Variants in PCDH15 observed in about 807,000 individuals in gnomAD.
The protein encoded by PCDH15 is protocadherin-15.
Under a neutral mutation model 178.5 loss-of-function variants are expected in PCDH15, and 129 were observed. That is an observed-to-expected ratio of 0.72 (90% confidence interval 0.63 to 0.84). The LOEUF (loss-of-function observed/expected upper bound fraction) is 0.84, where lower values mean the gene tolerates loss of function less well. PCDH15 is among the 40% of genes least tolerant of loss of function. The pLI, the probability that PCDH15 is intolerant of heterozygous loss-of-function variation, is 0.00. For missense variants in PCDH15, 2,230 were observed against 2,099.9 expected (o/e 1.06, Z -1.21); for synonymous variants, 800 against 732.0 (o/e 1.09, Z -1.50).
At chr10:54,073,825 G>A (rs972434643) in intron 17 of PCDH15, among the ~76,000 whole-genome samples, 9 of 152,104 alleles carry the variant, frequency 5.9e-5, no homozygotes, top group Non-Finnish European at 1.0e-4. Context: ...ATCACTGTTC[G>A]CATATTTATT....
intron 26 of PCDH15, among the ~76,000 whole-genome samples, chr10:53,893,105 G>A (rs2081691802): frequency 6.6e-6 from 1 of 151,850 alleles, no homozygotes. Flanking sequence ...TTGAGTGTCG[G>A]TGGAAAAAAA....
intron 2 of PCDH15, among the ~76,000 whole-genome samples, chr10:55,336,555 T>A (rs1260476300): frequency 1.3e-5 from 2 of 152,196 alleles, no homozygotes; most frequent in East Asian, 3.9e-4. Flanking sequence ...CTAAAGTAAT[T>A]CATAAAACCT....
Position 55,375,986 on chromosome 10 carries a change from T to TGCAAA in PCDH15, c.-155-209336_-155-209335insTTTGC. 4.6e-5 allele frequency among the ~76,000 whole-genome samples: 7 copies of TGCAAA among 152,080 alleles called. No homozygotes were observed. The South Asian group carries it at 1.5e-3, about 32-fold the overall frequency. ...TTATTCGTAGTGTCTATAAAAATAGTTAATATAACATTTTAGTTTAGGACC... is the reference window on the plus strand; with the variant it reads ...TTATTCGTAGTGTCTATAAAAATAGTGCAAATAATATAACATTTTAGTTTAGGACC... On this transcript the variant is annotated intron_variant, in intron 2 of 5. Transcript: ENST00000613346.
chr10:54,832,078 G>T (rs1359356963), intron 3 of PCDH15, among the ~76,000 whole-genome samples: 4 of 151,986 alleles, frequency 2.6e-5, no homozygotes, highest in Admixed American at 6.6e-5. Context: ...TGCCTTTGAA[G>T]TATCTACATT....
chr10:55,212,854 C>A (rs554877418), intron 1 of PCDH15, among the ~76,000 whole-genome samples: 1 of 152,176 alleles, frequency 6.6e-6, no homozygotes, highest in East Asian at 1.9e-4. Flanking sequence ...TATTCAAAAT[C>A]TATCAAATAA....
chr10:55,412,385 GC>G (rs1838359715), intron 2 of PCDH15, among the ~76,000 whole-genome samples: 1 of 151,886 alleles, frequency 6.6e-6, no homozygotes, highest in Non-Finnish European at 1.5e-5. Context: ...AAGTTAACAG[GC>G]CTTAGAAACT....
At chr10:55,195,230 G>A (rs1336192025) in intron 1 of PCDH15, among the ~76,000 whole-genome samples, 4 of 151,714 alleles carry the variant, frequency 2.6e-5, no homozygotes, top group African/African-American at 7.3e-5. Context: ...CACCATATTG[G>A]TCAGGCTGCT....
chr10:54,111,666 C>G (rs527438654), intron 15 of PCDH15, among the ~76,000 whole-genome samples: 1 of 152,142 alleles, frequency 6.6e-6, no homozygotes, highest in Non-Finnish European at 1.5e-5. Flanking sequence ...ACTTAGGAAA[C>G]TGGAAAGAGT....
At chr10:53,875,835 C>T (rs1564659438) in intron 26 of PCDH15, among the ~76,000 whole-genome samples, 1 of 151,960 alleles carries the variant, frequency 6.6e-6, no homozygotes, top group Non-Finnish European at 1.5e-5. Flanking sequence ...GTAGGGGAGA[C>T]CATTAATTTT....
chr10:54,801,377 A>G (rs568103448), upstream of PCDH15: 1 of 152,338 alleles, frequency 6.6e-6, no homozygotes, highest in African/African-American at 2.4e-5. Context: ...TAAACCACGC[A>G]CTGACTGGTG....
chr10:55,153,547 A>G (rs2120760), intron 2 of PCDH15, among the ~76,000 whole-genome samples: 54,219 of 152,106 alleles, frequency 0.36, 10,329 homozygotes, highest in Admixed American at 0.46. Flanking sequence ...TAGAAGTCAT[A>G]CAGCTCTTAA....
Position 55,117,193 on chromosome 10 carries a change from G to A in PCDH15, c.-80+49383C>T, listed in dbSNP as rs559519328. The stretch of plus-strand genomic sequence containing the variant: ...GTGTCTTAGCCAAGAACCTAGCGAT[G>A]GGTGAAGAAAAGAAATCTTCACTCC... On this transcript the variant is annotated intron_variant, in intron 2 of 5. Transcript: ENST00000458638. Among the ~76,000 whole-genome samples, 9 of 152,220 alleles carry A rather than the reference G, an allele frequency of 5.9e-5. No homozygotes were observed. In the East Asian group the frequency reaches 1.7e-3, roughly 29 times the overall value.
At chr10:54,428,332 A>C (rs7075180) in intron 3 of PCDH15, among the ~76,000 whole-genome samples, 7,575 of 152,314 alleles carry the variant, frequency 0.05, 643 homozygotes, top group African/African-American at 0.17. Flanking sequence ...GGACTGGCTG[A>C]AGACTCAGTT....
intron 1 of PCDH15, among the ~76,000 whole-genome samples, chr10:55,172,686 A>T (rs983666242): frequency 9.2e-5 from 14 of 152,078 alleles, no homozygotes; most frequent in African/African-American, 3.4e-4. Flanking sequence ...CACACAGAAC[A>T]CACTATTCTT....
At chr10:53,823,422 G>C in intron 32 of PCDH15, 2 of 1,480,572 alleles carry the variant, frequency 1.4e-6, no homozygotes, top group East Asian at 4.5e-5. Flanking sequence ...TCATGAGAAA[G>C]ATGTTTTTAT....
chr10:55,615,838 T>A (rs1916524), intron 2 of PCDH15, among the ~76,000 whole-genome samples: 3 of 151,998 alleles, frequency 2.0e-5, no homozygotes, highest in African/African-American at 7.3e-5. Context: ...GTTGAGTCTG[T>A]AGTGAGCTAT....
At chr10:55,626,877 TG>T (rs1156438602) in intron 2 of PCDH15, among the ~76,000 whole-genome samples, 6 of 152,178 alleles carry the variant, frequency 3.9e-5, no homozygotes, top group Admixed American at 3.3e-4. Flanking sequence ...TTATCATCCC[TG>T]TATATTGCAA....
chr10:54,913,921 T>C (rs934150882), intron 2 of PCDH15, among the ~76,000 whole-genome samples: 6 of 152,234 alleles, frequency 3.9e-5, no homozygotes, highest in African/African-American at 1.4e-4. Flanking sequence ...CCAGTGCCTG[T>C]ACCCCCACTG....
chr10:55,601,599 T>C (rs922309917), intron 2 of PCDH15, among the ~76,000 whole-genome samples: 6 of 152,084 alleles, frequency 3.9e-5, no homozygotes, highest in Non-Finnish European at 5.9e-5. Flanking sequence ...ATAGAGGTGA[T>C]AGAGAAATTA....
Sources: allele counts gnomAD v4.1 joint callset (sites outside exome capture counted in the v4.1 genomes callset), GRCh38; gene constraint gnomAD v4.1.1; transcripts MANE v1.5; gene names NCBI Gene and HGNC (gene_info 2026-07-23, HGNC 2026-07-21).